Variants in SLC39A11 observed in about 807,000 individuals in gnomAD.
The protein encoded by SLC39A11 is solute carrier family 39 member 11.
In SLC39A11, 33 loss-of-function variants were observed where a neutral mutation model predicts 36.1. The observed-to-expected ratio is 0.91, with a 90% CI of 0.69 to 1.22. The LOEUF is 1.22. Ranked by LOEUF, SLC39A11 falls within the 50% of genes most tolerant of loss-of-function variation. The pLI is 0.00. For synonymous variants in SLC39A11, 166 were observed against 170.3 expected (o/e 0.97, Z 0.20); for missense variants, 432 against 430.3 (o/e 1.00, Z -0.03).
At chr17:72,759,328 G>C (rs539957724) in intron 6 of SLC39A11, among the ~76,000 whole-genome samples, 1 of 152,008 alleles carries the variant, frequency 6.6e-6, no homozygotes, top group Non-Finnish European at 1.5e-5. Context: ...GCAAAGGAAC[G>C]GAAGTGGTGA....
chr17:72,887,466 C>G (rs532756564), intron 5 of SLC39A11, among the ~76,000 whole-genome samples: 2 of 152,320 alleles, frequency 1.3e-5, no homozygotes, highest in South Asian at 4.1e-4. Flanking sequence ...CTTTCTTGTG[C>G]CTGTGTATGC....
chr17:72,998,360 C>CT (rs2089634578), intron 4 of SLC39A11, among the ~76,000 whole-genome samples: 2 of 152,328 alleles, frequency 1.3e-5, no homozygotes, highest in South Asian at 4.1e-4. Flanking sequence ...CCAAATTAAT[C>CT]TTTAAGTCCA....
chr17:72,656,447 C>T (rs1032606359), intron 7 of SLC39A11, among the ~76,000 whole-genome samples: 3 of 151,856 alleles, frequency 2.0e-5, no homozygotes, highest in Non-Finnish European at 4.4e-5. Context: ...AGAGATCTCT[C>T]GAGAAGGGCC....
rs145755722 is a variant in SLC39A11 at position 73,031,663 on chromosome 17, C to A, written c.199G>T (p.Ala67Ser). The A allele has an allele frequency of 6.5e-5, 105 of 1,614,116 alleles. No homozygotes were observed. The African/African-American group carries it at 1.3e-3, about 20-fold the overall frequency. ...GCACCGAAGCCCCCAGAGGACGTGG[C>A]CATCTCAACTGCTGGGGCCAGAAGA... ...WSLLAPAVEM[A>S]TSSGGFGAFA... The change falls in exon 4 of 10, where the codon GCC becomes TCC. Residue 67 changes from alanine to serine, a missense_variant. Transcript: ENST00000255559.
chr17:73,020,161 A>C (rs1365643219), intron 4 of SLC39A11, among the ~76,000 whole-genome samples: 1 of 152,234 alleles, frequency 6.6e-6, no homozygotes, highest in African/African-American at 2.4e-5. Flanking sequence ...CGCATTCTTT[A>C]TATCAGGTGT....
At chr17:73,004,179 G>GAAAT (rs1390231957) in intron 4 of SLC39A11, among the ~76,000 whole-genome samples, 1 of 76,256 alleles carries the variant, frequency 1.3e-5, no homozygotes, top group Non-Finnish European at 2.6e-5. Context: ...AAGAAAGAAA[G>GAAAT]AAAGAAAGAA....
intron 7 of SLC39A11, among the ~76,000 whole-genome samples, chr17:72,733,525 C>T (rs1002922603): frequency 1.3e-5 from 2 of 152,150 alleles, no homozygotes; most frequent in African/African-American, 4.8e-5. Context: ...GGAGGCTGGA[C>T]TGGCTGAGTC....
At chr17:72,707,621 C>T (rs1404022690) in intron 7 of SLC39A11, among the ~76,000 whole-genome samples, 1 of 152,190 alleles carries the variant, frequency 6.6e-6, no homozygotes, top group African/African-American at 2.4e-5. Context: ...ACTATGAACA[C>T]ATCATCATCT....
chr17:73,065,645 A>G (rs1228661421), intron 3 of SLC39A11, among the ~76,000 whole-genome samples: 2 of 152,196 alleles, frequency 1.3e-5, no homozygotes, highest in African/African-American at 4.8e-5. Flanking sequence ...TCTTGCTTCC[A>G]GAATAACACA....
At chr17:72,766,840 T>C (rs2075775337) in intron 6 of SLC39A11, among the ~76,000 whole-genome samples, 1 of 152,160 alleles carries the variant, frequency 6.6e-6, no homozygotes, top group South Asian at 2.1e-4. Context: ...ATGGCTAAGG[T>C]TGGCATGACC....
At chr17:73,089,504 T>C (rs2060854686) in intron 1 of SLC39A11, among the ~76,000 whole-genome samples, 6 of 152,188 alleles carry the variant, frequency 3.9e-5, no homozygotes, top group Admixed American at 3.9e-4. Flanking sequence ...GCCCACATAA[T>C]GCCAACCTCA....
chr17:73,023,050 A>G (rs2058407186), intron 4 of SLC39A11, among the ~76,000 whole-genome samples: 1 of 152,204 alleles, frequency 6.6e-6, no homozygotes, highest in African/African-American at 2.4e-5. Context: ...CCTCCCTTAG[A>G]AACTGAAGTA....
intron 7 of SLC39A11, among the ~76,000 whole-genome samples, chr17:72,729,966 C>G (rs147164273): frequency 2.6e-4 from 40 of 152,112 alleles, no homozygotes; most frequent in African/African-American, 9.2e-4. Context: ...TATATCACAT[C>G]GAAATCAAGA....
At chr17:72,723,918 G>A (rs994353469) in intron 7 of SLC39A11, among the ~76,000 whole-genome samples, 2 of 152,174 alleles carry the variant, frequency 1.3e-5, no homozygotes, top group African/African-American at 4.8e-5. Context: ...CAGGTTTCCA[G>A]GTAACGACGG....
intron 6 of SLC39A11, among the ~76,000 whole-genome samples, chr17:72,844,459 A>C (rs2078963540): frequency 6.6e-6 from 1 of 152,218 alleles, no homozygotes; most frequent in African/African-American, 2.4e-5. Context: ...AGTTGAGTCC[A>C]GGAGTTCAAG....
chr17:72,734,347 T>C (rs1568003177), intron 7 of SLC39A11, among the ~76,000 whole-genome samples: 2 of 152,174 alleles, frequency 1.3e-5, no homozygotes, highest in Admixed American at 6.5e-5. Flanking sequence ...CAGCCTGCAT[T>C]GCAGGGGTCC....
intron 3 of SLC39A11, among the ~76,000 whole-genome samples, chr17:73,051,992 GT>G (rs1444738141): frequency 1.3e-5 from 2 of 151,888 alleles, no homozygotes; most frequent in East Asian, 3.9e-4. Context: ...ATGGGCCTCA[GT>G]TTTGTCAGCT....
At chr17:73,009,159 C>A (rs867373269) in intron 4 of SLC39A11, among the ~76,000 whole-genome samples, 1 of 151,196 alleles carries the variant, frequency 6.6e-6, no homozygotes, top group Admixed American at 6.6e-5. Context: ...GTCAGGAGAT[C>A]GAACCCATCC....
At chr17:73,051,081 T>C (rs1473400372) in intron 3 of SLC39A11, among the ~76,000 whole-genome samples, 2 of 152,140 alleles carry the variant, frequency 1.3e-5, no homozygotes, top group Non-Finnish European at 2.9e-5. Flanking sequence ...AAGTTAGAAA[T>C]GCAAAATCAA....
Sources: gnomAD v4.1 joint callset for allele counts (sites outside exome capture counted in the v4.1 genomes callset) on GRCh38, gnomAD v4.1.1 for gene constraint, MANE v1.5 for transcripts, NCBI Gene and HGNC (gene_info 2026-07-23, HGNC 2026-07-21) for gene names.